The following NCKAP5 variants were observed in gnomAD, a reference collection of about 807,000 sequenced individuals.
NCKAP5 encodes the protein NCK associated protein 5.
In NCKAP5, 92 loss-of-function variants were observed where a neutral mutation model predicts 167.0. The ratio of observed to expected loss-of-function variants is 0.55; its 90% CI spans 0.47 to 0.66. The LOEUF (loss-of-function observed/expected upper bound fraction) is 0.66. Among genes scored for constraint, NCKAP5 ranks in the 30% least tolerant of loss-of-function variants. NCKAP5 has a pLI of 0.00. For synonymous variants in NCKAP5, 891 were observed against 877.4 expected, an observed-to-expected ratio of 1.02 and a Z score of -0.27; for missense variants, 2,378 against 2,315.0, an observed-to-expected ratio of 1.03 and a Z score of -0.56.
At chr2:133,589,428 AATAAGTCAGG>A in the NCKAP5 span, among the ~76,000 whole-genome samples, 3 of 152,096 alleles carry the variant, frequency 2.0e-5, no homozygotes, top group Admixed American at 2.0e-4. Context: ...GTCTGTTCTG[AATAAGTCAGG>A]ATGGGATACC....
intron 5 of NCKAP5, among the ~76,000 whole-genome samples, chr2:133,202,076 G>A (rs572990101): frequency 3.9e-5 from 6 of 152,090 alleles, no homozygotes; most frequent in South Asian, 2.1e-4. Context: ...CCACATTGCC[G>A]AGTCAATCCT....
intron 4 of NCKAP5, among the ~76,000 whole-genome samples, chr2:133,222,673 C>G (rs1047452360): frequency 5.3e-5 from 8 of 152,138 alleles, no homozygotes; most frequent in African/African-American, 1.9e-4. Context: ...ATAGGGCCCC[C>G]GGAGGCTCCT....
intron 3 of NCKAP5, among the ~76,000 whole-genome samples, chr2:133,455,731 G>T (rs898945490): frequency 6.6e-6 from 1 of 152,096 alleles, no homozygotes; most frequent in Non-Finnish European, 1.5e-5. Flanking sequence ...CGCTGAAAAA[G>T]TCCTTGCACT....
At chr2:133,526,354 C>T (rs1384780771) in intron 2 of NCKAP5, among the ~76,000 whole-genome samples, 1 of 149,132 alleles carries the variant, frequency 6.7e-6, no homozygotes, top group African/African-American at 2.5e-5. Flanking sequence ...TACATGTCCT[C>T]AAATTTCAAG....
intron 7 of NCKAP5, among the ~76,000 whole-genome samples, chr2:132,977,826 T>C (rs2077019680): frequency 6.7e-6 from 1 of 148,810 alleles, no homozygotes; most frequent in Admixed American, 6.7e-5. Flanking sequence ...CTTGAGGATT[T>C]GTACTGAAGA....
At chr2:132,999,397 C>A (rs751853399) in intron 6 of NCKAP5, among the ~76,000 whole-genome samples, 6 of 152,164 alleles carry the variant, frequency 3.9e-5, no homozygotes, top group African/African-American at 1.4e-4. Context: ...CTCCCAGTTC[C>A]CAGGGGACCA....
At chr2:132,935,993 T>C (rs1696820716) in intron 8 of NCKAP5, among the ~76,000 whole-genome samples, 1 of 151,672 alleles carries the variant, frequency 6.6e-6, no homozygotes, top group African/African-American at 2.4e-5. Flanking sequence ...TTTTTTTTTT[T>C]TTCCTTGAGA....
intron 3 of NCKAP5, among the ~76,000 whole-genome samples, chr2:133,510,984 T>A (rs1468360461): frequency 6.6e-6 from 1 of 152,210 alleles, no homozygotes; most frequent in Non-Finnish European, 1.5e-5. Context: ...TAGCCTATAT[T>A]AAGCCTCCAT....
chr2:132,830,479 A>C (rs1687444894), intron 11 of NCKAP5, among the ~76,000 whole-genome samples: 1 of 151,890 alleles, frequency 6.6e-6, no homozygotes, highest in South Asian at 2.1e-4. Flanking sequence ...CTCACTCCCG[A>C]AGAACAAAGG....
chr2:133,674,492 C>T, the NCKAP5 span, among the ~76,000 whole-genome samples: 2 of 151,996 alleles, frequency 1.3e-5, no homozygotes, highest in East Asian at 3.9e-4. Context: ...CCATGTAATG[C>T]CCTGTGTCTA....
the NCKAP5 span, among the ~76,000 whole-genome samples, chr2:133,629,855 A>G: frequency 6.6e-6 from 1 of 152,228 alleles, no homozygotes; most frequent in Non-Finnish European, 1.5e-5. Context: ...GGAAGCCATC[A>G]TCCTCAGCAA....
chr2:133,660,816 G>A, the NCKAP5 span, among the ~76,000 whole-genome samples: 25 of 151,944 alleles, frequency 1.6e-4, no homozygotes, highest in Admixed American at 1.3e-3. Context: ...TCTAGTTTGC[G>A]GATTTAACAT....
intron 1 of NCKAP5, among the ~76,000 whole-genome samples, chr2:133,561,419 T>G (rs1688148999): frequency 6.6e-6 from 1 of 152,258 alleles, no homozygotes; most frequent in Admixed American, 6.5e-5. Context: ...AAATGTCATT[T>G]TGAGCATTCA....
chr2:133,546,818 C>A (rs971838673), intron 2 of NCKAP5, among the ~76,000 whole-genome samples: 4 of 152,166 alleles, frequency 2.6e-5, no homozygotes, highest in Non-Finnish European at 5.9e-5. Flanking sequence ...ATGCTTGGGT[C>A]TAGGAAAAAG....
chr2:132,875,757 ACT>A (rs1208927350), intron 9 of NCKAP5, among the ~76,000 whole-genome samples: 1 of 152,068 alleles, frequency 6.6e-6, no homozygotes, highest in Non-Finnish European at 1.5e-5. Context: ...AAACCTCCAA[ACT>A]CTAAGATTAA....
At chr2:133,051,552 G>T (rs2079607996) in intron 6 of NCKAP5, among the ~76,000 whole-genome samples, 1 of 152,138 alleles carries the variant, frequency 6.6e-6, no homozygotes, top group African/African-American at 2.4e-5. Context: ...CAGGCGGTTT[G>T]CTAGCATTCA....
chr2:132,742,271 T>G (rs1428888120), intron 16 of NCKAP5, among the ~76,000 whole-genome samples: 1 of 151,964 alleles, frequency 6.6e-6, no homozygotes, highest in African/African-American at 2.4e-5. Flanking sequence ...CTATTCTTAA[T>G]TTCACCTGCC....
chr2:133,161,281 T>C (rs547164071), intron 5 of NCKAP5, among the ~76,000 whole-genome samples: 2 of 152,124 alleles, frequency 1.3e-5, no homozygotes, highest in Non-Finnish European at 1.5e-5. Flanking sequence ...CGTTCCTCTA[T>C]GAGACTGGAG....
At chr2:133,212,328 T>C (rs2086243642) in intron 5 of NCKAP5, among the ~76,000 whole-genome samples, 1 of 152,166 alleles carries the variant, frequency 6.6e-6, no homozygotes, top group Non-Finnish European at 1.5e-5. Context: ...AGGCCTTTAT[T>C]TTCTCCCTCT....
Sources: gnomAD v4.1 joint callset for allele counts (sites outside exome capture counted in the v4.1 genomes callset) on GRCh38, gnomAD v4.1.1 for gene constraint, MANE v1.5 for transcripts, NCBI Gene and HGNC (gene_info 2026-07-23, HGNC 2026-07-21) for gene names.